Variants in BTRC observed in about 807,000 individuals in gnomAD.
The protein encoded by BTRC is F-box/WD repeat-containing protein 1A.
Under a neutral mutation model 85.5 loss-of-function variants are expected in BTRC, and 42 were observed. The ratio of observed to expected loss-of-function variants is 0.49; its 90% CI spans 0.38 to 0.64. The LOEUF (loss-of-function observed/expected upper bound fraction) is 0.64. Ranked by LOEUF, BTRC falls within the 30% of genes least tolerant of loss-of-function variation. The probability of loss-of-function intolerance (pLI) is 0.00; values close to 1 mark genes in which losing one functional copy is unlikely to be tolerated. For missense variants in BTRC, 594 were observed against 743.5 expected (o/e 0.80, Z 2.34); for synonymous variants, 255 against 263.3 (o/e 0.97, Z 0.30).
At chr10:101,508,926 A>C (rs978720882) in intron 4 of BTRC, among the ~76,000 whole-genome samples, 1 of 151,086 alleles carries the variant, frequency 6.6e-6, no homozygotes, top group Non-Finnish European at 1.5e-5. Flanking sequence ...AAAAAAAAAA[A>C]AAAAAAAAAA....
intron 1 of BTRC, among the ~76,000 whole-genome samples, chr10:101,370,905 C>T (rs1006355896): frequency 6.6e-6 from 1 of 152,096 alleles, no homozygotes; most frequent in African/African-American, 2.4e-5. Flanking sequence ...TTTATCTGCA[C>T]ACACAGACAC....
At chr10:101,419,640 A>G (rs1944043810) in intron 1 of BTRC, among the ~76,000 whole-genome samples, 1 of 152,178 alleles carries the variant, frequency 6.6e-6, no homozygotes, top group Non-Finnish European at 1.5e-5. Flanking sequence ...TGTTAGCAAG[A>G]TGGAAGTTGC....
chr10:101,472,275 C>CCTCTCTTCTCTTCTCTTCTCT (rs1945546340), intron 3 of BTRC, among the ~76,000 whole-genome samples: 1 of 114,244 alleles, frequency 8.8e-6, no homozygotes, highest in Non-Finnish European at 1.9e-5. Context: ...TTTTCTTTTC[C>CCTCTCTTCTCTTCTCTTCTCT]TCTCTTCTCT....
intron 1 of BTRC, among the ~76,000 whole-genome samples, chr10:101,425,441 G>A (rs1223268817): frequency 2.6e-5 from 4 of 152,178 alleles, no homozygotes; most frequent in Admixed American, 2.0e-4. Flanking sequence ...TGGGAACTGA[G>A]CTGAAGAAAC....
intron 1 of BTRC, among the ~76,000 whole-genome samples, chr10:101,361,327 C>A (rs559312017): frequency 6.6e-6 from 1 of 151,622 alleles, no homozygotes; most frequent in East Asian, 1.9e-4. Flanking sequence ...AGGATGGTCT[C>A]GATCTCCTGA....
At chr10:101,367,077 TATA>T (rs1942484539) in intron 1 of BTRC, among the ~76,000 whole-genome samples, 2 of 105,778 alleles carry the variant, frequency 1.9e-5, no homozygotes, top group Non-Finnish European at 3.6e-5. Context: ...TATATATATA[TATA>T]TTTTTTTCGA....
Position 101,366,478 on chromosome 10 carries a change from GA to G in BTRC, c.48+12258del, listed in dbSNP as rs1002052040. Among the ~76,000 whole-genome samples, 56 of 151,422 alleles carry G rather than the reference GA, an allele frequency of 3.7e-4. No homozygotes were observed. In the Middle Eastern group the frequency reaches 0.017, roughly 46 times the overall value. ...CTATAGAATTTAAGAGAGGCGACAGGAAAAAAAAGTAAATTGAGTTAAAGGA... is the reference window on the plus strand; with the variant it reads ...CTATAGAATTTAAGAGAGGCGACAGGAAAAAAAGTAAATTGAGTTAAAGGA... On this transcript the variant is annotated intron_variant, in intron 1 of 14. Transcript: ENST00000370187.
intron 4 of BTRC, among the ~76,000 whole-genome samples, chr10:101,501,187 C>CAA (rs61126147): frequency 2.4e-3 from 318 of 132,542 alleles, no homozygotes; most frequent in African/African-American, 7.3e-3. Context: ...GACTGCGTCT[C>CAA]AAAAAAAAAA....
At chr10:101,366,529 A>AT (rs1195566878) in intron 1 of BTRC, among the ~76,000 whole-genome samples, 3 of 151,526 alleles carry the variant, frequency 2.0e-5, no homozygotes, top group African/African-American at 7.3e-5. Context: ...TTAATGAGAG[A>AT]TTTTTTAGAA....
At chr10:101,388,861 C>T (rs991913143) in intron 1 of BTRC, among the ~76,000 whole-genome samples, 1 of 152,214 alleles carries the variant, frequency 6.6e-6, no homozygotes, top group African/African-American at 2.4e-5. Context: ...AGCCAGATCA[C>T]TTAAGCATTT....
At chr10:101,482,552 C>T (rs552935766) in intron 4 of BTRC, among the ~76,000 whole-genome samples, 91 of 151,922 alleles carry the variant, frequency 6.0e-4, no homozygotes, top group African/African-American at 1.8e-3. Flanking sequence ...CCCGCCACCA[C>T]GCCCGGCTAA....
At chr10:101,423,018 A>G (rs2134059079) in intron 1 of BTRC, among the ~76,000 whole-genome samples, 1 of 152,016 alleles carries the variant, frequency 6.6e-6, no homozygotes, top group South Asian at 2.1e-4. Context: ...AGTCATTGGT[A>G]TTGATATTGA....
intron 13 of BTRC, among the ~76,000 whole-genome samples, chr10:101,549,712 T>TAAAAAAAAAAAAAAAAAAA (rs2062617647): frequency 7.7e-5 from 1 of 12,964 alleles, no homozygotes; most frequent in African/African-American, 1.7e-3. Flanking sequence ...AGACTCTGTC[T>TAAAAAAAAAAAAAAAAAAA]CAAAAAAAAA....
intron 4 of BTRC, among the ~76,000 whole-genome samples, chr10:101,498,053 TTGACATATACAGAGAGAGTGATTTTGTG>T (rs1946309089): frequency 6.6e-6 from 1 of 152,078 alleles, no homozygotes. Flanking sequence ...GAGATATATA[TTGACATATACAGAGAGAGTGATTTTGTG>T]TGACATATAC....
intron 1 of BTRC, among the ~76,000 whole-genome samples, chr10:101,409,927 G>C (rs1047401455): frequency 6.6e-6 from 1 of 152,140 alleles, no homozygotes; most frequent in African/African-American, 2.4e-5. Flanking sequence ...TATATACCTA[G>C]AAGTAGGTAT....
rs3213772 is a variant in BTRC, at chr10:101,533,127, T to C, written c.1097+57T>C. ...GAAATATCAGCTCTGCTCTGTTCTT[T>C]GTCATAGATAGTAATTTTGTATATA... On this transcript the variant is annotated intron_variant, in intron 9 of 14. Transcript: ENST00000370187. 2.0e-4 allele frequency: 259 copies of C among 1,279,670 alleles called. 2 individuals carry two copies. The East Asian group carries it at 5.8e-3, about 29-fold the overall frequency. The allele number at this position is 1,279,670 out of a possible 1,614,324, so 79.3% of individuals were successfully genotyped here.
At chr10:101,507,872 A>T (rs1946582035) in intron 4 of BTRC, among the ~76,000 whole-genome samples, 1 of 152,160 alleles carries the variant, frequency 6.6e-6, no homozygotes, top group Admixed American at 6.5e-5. Context: ...CCCATCCAAA[A>T]ATCCTTTTAA....
intron 1 of BTRC, among the ~76,000 whole-genome samples, chr10:101,407,536 A>G (rs1371543843): frequency 6.6e-6 from 1 of 151,070 alleles, no homozygotes; most frequent in African/African-American, 2.4e-5. Context: ...GACTACAGGT[A>G]TGCGCCACTA....
intron 1 of BTRC, among the ~76,000 whole-genome samples, chr10:101,410,996 CTTTT>C (rs11356520): frequency 8.2e-6 from 1 of 122,482 alleles, no homozygotes. Flanking sequence ...ATTTCTGGCA[CTTTT>C]TTTTTTTTTT....
Sources: gnomAD v4.1 joint callset for allele counts (sites outside exome capture counted in the v4.1 genomes callset) on GRCh38, gnomAD v4.1.1 for gene constraint, MANE v1.5 for transcripts, NCBI Gene and HGNC (gene_info 2026-07-23, HGNC 2026-07-21) for gene names.